Variants in TBC1D4 observed in about 807,000 individuals in gnomAD.
The protein encoded by TBC1D4 is TBC (Tre-2, BUB2, CDC16) domain-containing protein.
A neutral mutation model predicts 142.5 loss-of-function variants in TBC1D4; 121 were observed. That is an observed-to-expected ratio of 0.85 (90% CI 0.73 to 0.99). The LOEUF (loss-of-function observed/expected upper bound fraction) is 0.99. Ranked by LOEUF, TBC1D4 falls within the 50% of genes least tolerant of loss-of-function variation. The pLI is 0.00. For missense variants in TBC1D4, 1,475 were observed against 1,606.6 expected, an observed-to-expected ratio of 0.92 and a Z score of 1.40; for synonymous variants, 630 against 628.2, an observed-to-expected ratio of 1.00 and a Z score of -0.04.
intron 7 of TBC1D4, among the ~76,000 whole-genome samples, chr13:75,339,522 C>A (rs149262686): frequency 6.6e-6 from 1 of 152,166 alleles, no homozygotes; most frequent in Non-Finnish European, 1.5e-5. Flanking sequence ...AAAACCAGCA[C>A]CTAATTCCAG....
At chr13:75,424,508 A>T (rs1049278257) in intron 1 of TBC1D4, among the ~76,000 whole-genome samples, 16 of 152,174 alleles carry the variant, frequency 1.1e-4, no homozygotes, top group Admixed American at 7.9e-4. Flanking sequence ...GAAGTAAAAA[A>T]AAAATCTTAA....
intron 1 of TBC1D4, among the ~76,000 whole-genome samples, chr13:75,376,741 C>A (rs1019984567): frequency 6.6e-6 from 1 of 152,130 alleles, no homozygotes; most frequent in Non-Finnish European, 1.5e-5. Context: ...AGGGCAATAA[C>A]CCACAAGTAA....
At chr13:75,386,993 CACT>C (rs1313647907) in intron 1 of TBC1D4, among the ~76,000 whole-genome samples, 1 of 151,948 alleles carries the variant, frequency 6.6e-6, no homozygotes, top group Non-Finnish European at 1.5e-5. Flanking sequence ...GTTGAGAGGC[CACT>C]AAGGGCTTTC....
At chr13:75,327,700 G>T (rs75169380) in intron 9 of TBC1D4, 52 bp downstream of exon 9, 4 of 1,533,642 alleles carry the variant, frequency 2.6e-6, no homozygotes, top group Non-Finnish European at 3.6e-6. Context: ...TTACCATATC[G>T]GTGCTGACTT....
intron 1 of TBC1D4, among the ~76,000 whole-genome samples, chr13:75,434,297 G>A (rs796182518): frequency 2.9e-4 from 44 of 152,236 alleles, no homozygotes; most frequent in African/African-American, 9.6e-4. Context: ...TAAAAGTGCG[G>A]AACATATATA....
chr13:75,380,795 G>T (rs1329703555), intron 1 of TBC1D4, among the ~76,000 whole-genome samples: 1 of 152,160 alleles, frequency 6.6e-6, no homozygotes, highest in Non-Finnish European at 1.5e-5. Flanking sequence ...GCCACTGGAA[G>T]AGTTTTCATC....
chr13:75,295,516 C>A (rs507901), intron 17 of TBC1D4, among the ~76,000 whole-genome samples: 85,862 of 152,042 alleles, frequency 0.56, 24,507 homozygotes, highest in African/African-American at 0.6. Flanking sequence ...ATTAAAGCTT[C>A]GAATGTTACA....
At position 75,472,367 on chromosome 13, in the gene TBC1D4, C is replaced by T. The variant is rs570601942; in HGVS notation, c.498+8903G>A. On this transcript the variant is annotated intron_variant, in intron 1 of 20. Coordinates refer to ENST00000377636, the MANE Select transcript of TBC1D4 (RefSeq NM_014832.5). ...CTGGGAGGCGGAGGTTGCAGTGAGC[C>T]GAGATCACGCCACTGCATTCCAGCC... Among the ~76,000 whole-genome samples the T allele has an allele frequency of 4.6e-5, 7 of 151,428 alleles. No individual in the cohort carries two copies. In the South Asian group the frequency reaches 1.1e-3, roughly 23 times the overall value.
intron 1 of TBC1D4, among the ~76,000 whole-genome samples, chr13:75,404,862 C>A (rs771206727): frequency 2.0e-5 from 3 of 152,182 alleles, no homozygotes; most frequent in Non-Finnish European, 4.4e-5. Flanking sequence ...GCTGTCCCCC[C>A]TCCACCCATG....
chr13:75,380,403 G>A (rs1883765205), intron 1 of TBC1D4, among the ~76,000 whole-genome samples: 1 of 151,942 alleles, frequency 6.6e-6, no homozygotes, highest in Admixed American at 6.5e-5. Context: ...AACCCAGGAG[G>A]TGGAGGTTGC....
At chr13:75,405,302 G>A (rs1303016026) in intron 1 of TBC1D4, among the ~76,000 whole-genome samples, 5 of 125,328 alleles carry the variant, frequency 4.0e-5, no homozygotes, top group African/African-American at 1.2e-4. Context: ...ATGGAGTCTC[G>A]CTCTGTCACC....
At chr13:75,334,286 T>TTTGAATA (rs1206157478) in intron 8 of TBC1D4, among the ~76,000 whole-genome samples, 41 of 152,146 alleles carry the variant, frequency 2.7e-4, no homozygotes, top group Admixed American at 2.7e-3. Context: ...ACCATTTTTC[T>TTTGAATA]TTGAATATTT....
chr13:75,394,445 A>T (rs1680806674), intron 1 of TBC1D4, among the ~76,000 whole-genome samples: 1 of 152,208 alleles, frequency 6.6e-6, no homozygotes, highest in Admixed American at 6.5e-5. Flanking sequence ...ATTGACAATC[A>T]TGGAAAGAAC....
At chr13:75,434,533 CTA>C in intron 1 of TBC1D4, among the ~76,000 whole-genome samples, 1 of 152,092 alleles carries the variant, frequency 6.6e-6, no homozygotes, top group East Asian at 1.9e-4. Flanking sequence ...GAAAAGATAA[CTA>C]TTGTATTCTG....
intron 1 of TBC1D4, among the ~76,000 whole-genome samples, chr13:75,446,039 T>C (rs1192360825): frequency 6.6e-6 from 1 of 152,214 alleles, no homozygotes; most frequent in Non-Finnish European, 1.5e-5. Flanking sequence ...ACAGAATGTT[T>C]AAGTATTTTT....
chr13:75,373,468 G>A (rs1284672740), intron 1 of TBC1D4, among the ~76,000 whole-genome samples: 3 of 152,152 alleles, frequency 2.0e-5, no homozygotes, highest in African/African-American at 7.2e-5. Context: ...TAGGCTAGAA[G>A]GAAAGGCAAT....
chr13:75,460,587 A>C (rs1320545597), intron 1 of TBC1D4, among the ~76,000 whole-genome samples: 2 of 152,178 alleles, frequency 1.3e-5, no homozygotes, highest in Admixed American at 6.5e-5. Flanking sequence ...CACGGTATGG[A>C]GCTTGAGCAT....
chr13:75,443,187 C>A (rs1239908312), intron 1 of TBC1D4, among the ~76,000 whole-genome samples: 2 of 152,144 alleles, frequency 1.3e-5, no homozygotes, highest in Non-Finnish European at 2.9e-5. Flanking sequence ...CAAATAACTG[C>A]ACAACTACTT....
At chr13:75,318,115 A>G (rs574537168) in intron 12 of TBC1D4, among the ~76,000 whole-genome samples, 3 of 152,358 alleles carry the variant, frequency 2.0e-5, no homozygotes, top group East Asian at 3.9e-4. Context: ...TTCATTGACT[A>G]TTGTACAGAA....
Sources: allele counts gnomAD v4.1 joint callset (sites outside exome capture counted in the v4.1 genomes callset), GRCh38; gene constraint gnomAD v4.1.1; transcripts MANE v1.5; gene names NCBI Gene and HGNC (gene_info 2026-07-23, HGNC 2026-07-21).